HMGCS2: variants seen among roughly 807,000 people sequenced by gnomAD.
HMGCS2 encodes the protein hydroxymethylglutaryl-CoA synthase, mitochondrial.
HMGCS2 carries 50 observed loss-of-function variants against 57.4 expected under a neutral mutation model. That is an observed-to-expected ratio of 0.87 (90% CI 0.69 to 1.10). The LOEUF (loss-of-function observed/expected upper bound fraction) is 1.10. Ranked by LOEUF, HMGCS2 falls within the 50% of genes least tolerant of loss-of-function variation. The pLI is 0.00. For synonymous variants in HMGCS2, 254 were observed against 245.1 expected (o/e 1.04, Z -0.34); for missense variants, 627 against 636.5 (o/e 0.99, Z 0.16).
At chr1:119,761,138 A>G (rs1029312649) in intron 2 of HMGCS2, among the ~76,000 whole-genome samples, 1 of 148,044 alleles carries the variant, frequency 6.8e-6, no homozygotes, top group South Asian at 2.1e-4. Flanking sequence ...GTAAGTATAT[A>G]TTTAGTATAT....
At chr1:119,753,250 A>C in intron 7 of HMGCS2, 30 bp downstream of exon 7, 1 of 1,325,980 alleles carries the variant, frequency 7.5e-7, no homozygotes, top group East Asian at 2.3e-5. Context: ...GAATCTTGTC[A>C]GGAAGGCCTA....
At chr1:119,755,160 G>T (rs766448365) in intron 6 of HMGCS2, among the ~76,000 whole-genome samples, 1 of 152,000 alleles carries the variant, frequency 6.6e-6, no homozygotes, top group Non-Finnish European at 1.5e-5. Context: ...GGGACCACAC[G>T]TGCACACAAC....
chr1:119,765,884 A>G (rs927178004), intron 1 of HMGCS2, among the ~76,000 whole-genome samples: 1 of 152,214 alleles, frequency 6.6e-6, no homozygotes, highest in African/African-American at 2.4e-5. Context: ...TTCTAGTCCA[A>G]ATACACAGCA....
intron 1 of HMGCS2, 89 bp downstream of exon 1, chr1:119,768,651 AT>A: frequency 9.7e-7 from 1 of 1,028,496 alleles, no homozygotes; most frequent in Non-Finnish European, 1.5e-6. Flanking sequence ...GCCTTGCCAA[AT>A]TTTGAGTGGG....
At position 119,764,520 on chromosome 1, in the gene HMGCS2, T is replaced by A. The variant is rs1571042738; in HGVS notation, c.211A>T (p.Thr71Ser). The A allele has an allele frequency of 6.2e-7, 1 of 1,613,956 alleles. No homozygotes were observed. The highest frequency in any genetic ancestry group is 8.5e-7 in the Non-Finnish European group (1 of 1,179,870). Reference protein sequence around the residue: ...VYFPAQYVDQTDLEKYNNVEA... With the variant: ...VYFPAQYVDQSDLEKYNNVEA... ...ACATTGTTATACTTCTCCAGGTCAGTTTGGTCCACATATTGGGCTGGGAAG... is the reference window on the plus strand; with the variant it reads ...ACATTGTTATACTTCTCCAGGTCAGATTGGTCCACATATTGGGCTGGGAAG... The change falls in exon 2 of 10, where the codon ACT becomes TCT. Residue 71 changes from threonine (T) to serine (S), a missense_variant. Thr to Ser is a moderately conservative substitution (Grantham distance 58). Transcript: ENST00000369406.
intron 1 of HMGCS2, among the ~76,000 whole-genome samples, chr1:119,767,770 A>G (rs1425896436): frequency 6.6e-6 from 1 of 152,246 alleles, no homozygotes; most frequent in Non-Finnish European, 1.5e-5. Flanking sequence ...AACTATTGCT[A>G]TTAAAACAAG....
rs766022017 is a variant in HMGCS2 at position 119,764,635 on chromosome 1, G to T, written c.105-9C>A. On this transcript the variant is annotated splice_polypyrimidine_tract_variant and intron_variant, in intron 1 of 9. Coordinates refer to ENST00000369406, the MANE Select transcript of HMGCS2 (RefSeq NM_005518.4). ...CAGAGGCTGTAGAAAACCTGTGATGGAGATAACAGTCAAACTCCCACTAAT... is the reference window on the plus strand; with the variant it reads ...CAGAGGCTGTAGAAAACCTGTGATGTAGATAACAGTCAAACTCCCACTAAT... 1 of 1,603,532 alleles carries T rather than the reference G, an allele frequency of 6.2e-7. No homozygotes were observed. Among genetic ancestry groups the T allele is most frequent in the Admixed American group, 1.7e-5 (1 of 59,224 alleles).
intron 6 of HMGCS2, among the ~76,000 whole-genome samples, chr1:119,754,411 G>T (rs587645814): frequency 1.3e-5 from 2 of 152,104 alleles, no homozygotes; most frequent in East Asian, 3.9e-4. Flanking sequence ...CTGTTCCCAA[G>T]GCTGGTCTCA....
In HMGCS2 at chr1:119,748,577, G is replaced by A. The variant is rs1011205317; in HGVS notation, c.*270C>T. The stretch of plus-strand genomic sequence containing the variant: ...TCTGGAGTCCAGTGATTCAGGAAGA[G>A]GTCTTCTCTCCATTGCTCCATCTTG... On this transcript the variant is annotated 3_prime_UTR_variant, in exon 10 of 10. Coordinates refer to ENST00000369406, the MANE Select transcript of HMGCS2 (RefSeq NM_005518.4). The A allele has an allele frequency of 1.3e-5, 2 of 152,172 alleles. No homozygotes were observed. Among genetic ancestry groups the A allele is most frequent in the Non-Finnish European group, 2.9e-5 (2 of 68,064 alleles). The allele number at this position is 152,172 out of a possible 1,614,324, so 9.4% of individuals were successfully genotyped here.
In HMGCS2 at chr1:119,759,149, GT is replaced by G; in HGVS notation, c.818del (p.Tyr273SerfsTer26). On this transcript the variant is annotated frameshift_variant, in exon 4 of 10. Coordinates refer to ENST00000369406, the MANE Select transcript of HMGCS2 (RefSeq NM_005518.4). LOFTEE classifies it high-confidence loss of function. ...LRALDRCYTSYRKKIQNQWKQ... is the reference protein window; with the variant it reads ...LRALDRCYTSXRKKIQNQWKQ... The stretch of plus-strand genomic sequence containing the variant: ...TCCACTGATTCTGGATTTTTTTACG[GT>G]ATGATGTGTAACATCGATCCAAGGC... The G allele has an allele frequency of 3.7e-6, 6 of 1,614,134 alleles. No individual in the cohort carries two copies. Among genetic ancestry groups the G allele is most frequent in the Non-Finnish European group, 5.1e-6 (6 of 1,180,030 alleles).
In HMGCS2 at chr1:119,753,297, G is replaced by C. The variant is rs747000856; in HGVS notation, c.1277C>G (p.Ser426Cys). Residue 426 changes from serine to cysteine, a missense_variant, in exon 7 of 10, where the codon TCC (serine) becomes TGC (cysteine). Physicochemically the swap from Ser to Cys is moderately radical, Grantham distance 112. Transcript: ENST00000369406. ...LAASFFSFRVSQDAAPGSPLD... is the reference protein window; with the variant it reads ...LAASFFSFRVCQDAAPGSPLD... Reference sequence around the variant, plus strand: ...ACACTCACCTGGAGCAGCATCCTGGGATACTCGAAATGAAAAGAAACTTGC... The same window carrying C: ...ACACTCACCTGGAGCAGCATCCTGGCATACTCGAAATGAAAAGAAACTTGC... 1.2e-6 allele frequency: 2 copies of C among 1,611,370 alleles called. No homozygotes were observed. Among genetic ancestry groups the C allele is most frequent in the Non-Finnish European group, 1.7e-6 (2 of 1,177,740 alleles).
rs775549228 is a variant in HMGCS2, at chr1:119,759,209, C to T, written c.759G>A (p.Val253=). ...AGCACTGGATGGAAAGCTTCCCATC[C>T]ACTATTGGGTACTCCGAGGCCAAAT... ...KPNLASEYPI[V]DGKLSIQCYL... The change falls in exon 4 of 10, where the codon GTG becomes GTA. Residue 253 remains valine (V), a synonymous_variant. Transcript: ENST00000369406. 5.0e-6 allele frequency: 8 copies of T among 1,614,112 alleles called. No individual in the cohort carries two copies. The highest frequency in any genetic ancestry group is 6.8e-6 in the Non-Finnish European group (8 of 1,179,978).
chr1:119,768,572 G>A (rs888729621), intron 1 of HMGCS2, among the ~76,000 whole-genome samples, 169 bp downstream of exon 1: 4 of 152,202 alleles, frequency 2.6e-5, no homozygotes, highest in Non-Finnish European at 5.9e-5. Flanking sequence ...GAAAGGGATT[G>A]TCTGTTTAGA....
Position 119,759,770 on chromosome 1 carries a change from C to G in HMGCS2, c.685+94G>C, listed in dbSNP as rs191028781. On this transcript the variant is annotated intron_variant, in intron 3 of 9. Coordinates refer to ENST00000369406, the MANE Select transcript of HMGCS2 (RefSeq NM_005518.4). ...AGCAATACCATCCTCAAACGCATAC[C>G]TCAGCCCTGAGTAGCAGGTGTGCCA... is the stretch of plus-strand genomic sequence containing the variant. 3.0e-4 allele frequency: 442 copies of G among 1,490,884 alleles called. 2 individuals are homozygous for G. The highest frequency in any genetic ancestry group is 6.9e-4 in the Middle Eastern group (4 of 5,828). 92.4% of individuals were successfully genotyped at this position (1,490,884 alleles called of 1,614,324 possible). A position where few individuals can be genotyped will look rare whatever the true frequency, so the allele number is the denominator to read the frequency against.
chr1:119,765,546 T>C (rs192409015), intron 1 of HMGCS2, among the ~76,000 whole-genome samples: 43 of 152,354 alleles, frequency 2.8e-4, no homozygotes, highest in African/African-American at 9.9e-4. Context: ...GATTATAACA[T>C]GCATAATTGG....
At chr1:119,754,188 C>G (rs1557989267) in intron 6 of HMGCS2, among the ~76,000 whole-genome samples, 1 of 151,986 alleles carries the variant, frequency 6.6e-6, no homozygotes, top group Non-Finnish European at 1.5e-5. Context: ...TCTCGAGTTG[C>G]TGGGACTACA....
At chr1:119,754,119 C>T (rs1470909234) in intron 6 of HMGCS2, among the ~76,000 whole-genome samples, 2 of 150,924 alleles carry the variant, frequency 1.3e-5, no homozygotes, top group African/African-American at 2.4e-5. Flanking sequence ...TGCAGTAGCT[C>T]GATCTCAGCT....
chr1:119,764,338 A>C lies in HMGCS2; in HGVS notation c.393T>G (p.Thr131=), dbSNP rs587741129. ...WDSVGRLEVG[T]ETIIDKSKAV... ...CTTTGGACTTGTCAATGATGGTCTC[A>C]GTGCCTACTTCCAGCCTGCCCACAG... Residue 131 remains threonine, a synonymous_variant, in exon 2 of 10, where the codon ACT becomes ACG. Coordinates refer to ENST00000369406, the MANE Select transcript of HMGCS2 (RefSeq NM_005518.4). The C allele has an allele frequency of 6.2e-7, 1 of 1,614,248 alleles. No homozygotes were observed. The highest frequency in any genetic ancestry group is 1.3e-5 in the African/African-American group (1 of 75,066).
chr1:119,759,830 A>T lies in HMGCS2; in HGVS notation c.685+34T>A, dbSNP rs371298207. 1.4e-5 allele frequency: 23 copies of T among 1,612,090 alleles called. No individual in the cohort carries two copies. The African/African-American group carries it at 2.9e-4, about 21-fold the overall frequency. On this transcript the variant is annotated intron_variant, in intron 3 of 9. Transcript: ENST00000369406. ...TAGGATCTATGTTCTTGGCTATGCC[A>T]TGCACAGCCTCTTGGTAATGGATTA...
Sources: allele counts gnomAD v4.1 joint callset (sites outside exome capture counted in the v4.1 genomes callset), GRCh38; gene constraint gnomAD v4.1.1; transcripts MANE v1.5; gene names NCBI Gene and HGNC (gene_info 2026-07-23, HGNC 2026-07-21).